Variants in ALDH18A1 observed in about 807,000 individuals in gnomAD.
The protein encoded by ALDH18A1 is delta-1-pyrroline-5-carboxylate synthase.
In ALDH18A1, 44 loss-of-function variants were observed where a neutral mutation model predicts 88.8. The observed-to-expected ratio is 0.50, with a 90% CI of 0.39 to 0.64. The LOEUF (loss-of-function observed/expected upper bound fraction) is 0.64, where lower values mean the gene tolerates loss of function less well. ALDH18A1 is among the 30% of genes least tolerant of loss of function. ALDH18A1 has a pLI of 0.00. For missense variants in ALDH18A1, 782 were observed against 1,009.5 expected (o/e 0.77, Z 3.05); for synonymous variants, 331 against 372.1 (o/e 0.89, Z 1.27).
intron 12 of ALDH18A1, among the ~76,000 whole-genome samples, chr10:95,617,285 C>T (rs2097845704): frequency 6.6e-6 from 1 of 152,202 alleles, no homozygotes; most frequent in Non-Finnish European, 1.5e-5. Flanking sequence ...AGTTAAGTGG[C>T]CAGGGCCACA....
chr10:95,628,547 A>G, intron 7 of ALDH18A1, 55 bp from the exon 8 acceptor site: 1 of 1,596,174 alleles, frequency 6.3e-7, no homozygotes, highest in Non-Finnish European at 8.5e-7. Context: ...TCTCCAAGAC[A>G]GGCCTCCCCA....
chr10:95,635,295 G>A lies in ALDH18A1; in HGVS notation c.559-1646C>T, dbSNP rs181330505. On this transcript the variant is annotated intron_variant, in intron 5 of 17. Coordinates refer to ENST00000371224, the MANE Select transcript of ALDH18A1 (RefSeq NM_002860.4). Reference sequence around the variant, plus strand: ...AAGATCAAACAATTAATATAAACCCGTGTGTAGGAGAGACAAGCAGGAGAT... The same window carrying A: ...AAGATCAAACAATTAATATAAACCCATGTGTAGGAGAGACAAGCAGGAGAT... Among the ~76,000 whole-genome samples the A allele has an allele frequency of 4.6e-5, 7 of 152,218 alleles. No individual in the cohort carries two copies. In the East Asian group the frequency reaches 5.8e-4, roughly 13 times the overall value.
At chr10:95,640,078 A>C (rs1196151980) in intron 3 of ALDH18A1, among the ~76,000 whole-genome samples, 2 of 152,134 alleles carry the variant, frequency 1.3e-5, no homozygotes, top group Non-Finnish European at 2.9e-5. Context: ...AAATGCTGAC[A>C]CTCTAACTCA....
At chr10:95,631,652 A>G (rs1377068089) in intron 7 of ALDH18A1, among the ~76,000 whole-genome samples, 2 of 146,288 alleles carry the variant, frequency 1.4e-5, no homozygotes, top group African/African-American at 2.5e-5. Flanking sequence ...CTGAGGCAGG[A>G]GAATCGCTTG....
At chr10:95,635,363 A>C (rs2097878652) in intron 5 of ALDH18A1, among the ~76,000 whole-genome samples, 1 of 152,192 alleles carries the variant, frequency 6.6e-6, no homozygotes, top group African/African-American at 2.4e-5. Context: ...ATAGCTTCAC[A>C]AACATGGCCT....
intron 3 of ALDH18A1, 106 bp downstream of exon 3, chr10:95,642,886 G>T: frequency 8.3e-7 from 1 of 1,210,962 alleles, no homozygotes; most frequent in Non-Finnish European, 1.2e-6. Context: ...CTACTGCACT[G>T]AAATCACAAT....
intron 9 of ALDH18A1, among the ~76,000 whole-genome samples, chr10:95,627,076 A>C (rs2097861462): frequency 6.6e-6 from 1 of 152,154 alleles, no homozygotes. Flanking sequence ...TAATGTGTTT[A>C]CACTTCTGAA....
chr10:95,606,730 T>C lies in ALDH18A1; in HGVS notation c.*32A>G, dbSNP rs779053250. ...TAAGACAAGTTTAACGTGAAGACCT[T>C]TTGGAAAATTCCCGGGTTTTCCTGG... is the stretch of plus-strand genomic sequence containing the variant. On this transcript the variant is annotated 3_prime_UTR_variant, in exon 18 of 18. Transcript: ENST00000371224. 3 of 1,614,048 alleles carry C rather than the reference T, an allele frequency of 1.9e-6. No individual in the cohort carries two copies. Among genetic ancestry groups the C allele is most frequent in the Non-Finnish European group, 2.5e-6 (3 of 1,179,966 alleles).
In ALDH18A1 at chr10:95,625,782, G is replaced by T. The variant is rs1308174134; in HGVS notation, c.1153-327C>A. Among the ~76,000 whole-genome samples the T allele has an allele frequency of 4.0e-5, 6 of 151,856 alleles. No individual in the cohort carries two copies. In the South Asian group the frequency reaches 1.3e-3, roughly 32 times the overall value. On this transcript the variant is annotated intron_variant, in intron 10 of 17. Coordinates refer to ENST00000371224, the MANE Select transcript of ALDH18A1 (RefSeq NM_002860.4). The stretch of plus-strand genomic sequence containing the variant: ...AAAAAAAAAGGGGGGGAAGGGGCAT[G>T]ATGGATACAATCTGTAGGAGACTGT...
chr10:95,619,221 CA>C (rs1446679337), intron 12 of ALDH18A1, among the ~76,000 whole-genome samples: 1 of 152,088 alleles, frequency 6.6e-6, no homozygotes, highest in East Asian at 1.9e-4. Flanking sequence ...CCTAGGAATC[CA>C]ACTTACAAGG....
intron 2 of ALDH18A1, among the ~76,000 whole-genome samples, chr10:95,644,081 T>G (rs1238889747): frequency 1.3e-5 from 2 of 152,180 alleles, no homozygotes; most frequent in Non-Finnish European, 2.9e-5. Flanking sequence ...AGGCAGAGGT[T>G]GCAGTGAGCC....
At chr10:95,627,698 G>T (rs574892792) in intron 8 of ALDH18A1, 112 bp from the exon 9 acceptor site, 113 of 1,294,012 alleles carry the variant, frequency 8.7e-5, no homozygotes, top group Non-Finnish European at 1.3e-4. Flanking sequence ...TTAAGTATAT[G>T]AGAGAATGTT....
rs753221959 is a variant in ALDH18A1, at chr10:95,616,477, CA to C, written c.1604del (p.Leu535ArgfsTer2). ...SIHGVKEAVQ[L>X]VNTREEVEDL... Reference sequence around the variant, plus strand: ...ACTTGGTGCATTCCCAGGGACCTACCAGTTGCACGGCCTCCTTGACTCCATG... The same window carrying C: ...ACTTGGTGCATTCCCAGGGACCTACCGTTGCACGGCCTCCTTGACTCCATG... On this transcript the variant is annotated frameshift_variant and splice_region_variant, in exon 13 of 18. Coordinates refer to ENST00000371224, the MANE Select transcript of ALDH18A1 (RefSeq NM_002860.4). LOFTEE classifies it high-confidence loss of function. 6.4e-7 allele frequency: 1 copy of C among 1,562,970 alleles called. No homozygotes were observed. Among genetic ancestry groups the C allele is most frequent in the Admixed American group, 1.9e-5 (1 of 51,800 alleles).
At chr10:95,613,884 A>T (rs371794461) in intron 14 of ALDH18A1, 21 bp from the exon 15 acceptor site, 5 of 1,614,192 alleles carry the variant, frequency 3.1e-6, no homozygotes, top group Non-Finnish European at 4.2e-6. Flanking sequence ...ATGAGCAAAG[A>T]ATTGTTTCCA....
chr10:95,650,128 GA>G (rs1021030044), intron 2 of ALDH18A1, among the ~76,000 whole-genome samples: 64 of 151,998 alleles, frequency 4.2e-4, no homozygotes, highest in Admixed American at 1.5e-3. Context: ...GAACTTTCGG[GA>G]AAAAAACATA....
At position 95,643,204 on chromosome 10, in the gene ALDH18A1, A is replaced by G; in HGVS notation, c.91T>C (p.Cys31Arg). The change falls in exon 3 of 18, where the codon TGT (cysteine) becomes CGT (arginine). Residue 31 changes from cysteine (C) to arginine (R), a missense_variant and splice_region_variant. This residue lies in a region of ALDH18A1 where 94 missense variants were observed against 99.5 expected (regional missense o/e 0.94). Transcript: ENST00000371224. The stretch of plus-strand genomic sequence containing the variant: ...TGTCTGATGACTGAAGGCTGGATAC[A>G]ATCTGTAGCCATCAAAGTCAAATGC... The part of the protein sequence containing the change: ...VKCTTVFRSH[C>R]IQPSVIRHVR... 6.2e-7 allele frequency: 1 copy of G among 1,614,134 alleles called. No individual in the cohort carries two copies.
intron 2 of ALDH18A1, among the ~76,000 whole-genome samples, chr10:95,652,072 C>A (rs1435522562): frequency 6.6e-6 from 1 of 152,192 alleles, no homozygotes; most frequent in African/African-American, 2.4e-5. Flanking sequence ...ATACACACAG[C>A]AACTTGAATG....
At chr10:95,638,211 CAG>C (rs1485572321) in intron 3 of ALDH18A1, among the ~76,000 whole-genome samples, 1 of 152,054 alleles carries the variant, frequency 6.6e-6, no homozygotes, top group African/African-American at 2.4e-5. Context: ...TTTGTAGAAA[CAG>C]AGTCTCACTA....
intron 6 of ALDH18A1, 135 bp from the exon 7 acceptor site, chr10:95,633,184 C>T (rs2097873914): frequency 9.8e-6 from 8 of 818,858 alleles, no homozygotes; most frequent in Non-Finnish European, 1.7e-5. Flanking sequence ...ATGTAGATGA[C>T]GGCTCTTGCA....
Sources: gnomAD v4.1 joint callset for allele counts (sites outside exome capture counted in the v4.1 genomes callset) on GRCh38, gnomAD v4.1.1 for gene constraint, gnomAD v4.1.1 regional missense constraint, MANE v1.5 for transcripts, NCBI Gene and HGNC (gene_info 2026-07-23, HGNC 2026-07-21) for gene names.